Variants in RASAL2 observed in about 807,000 individuals in gnomAD.
RASAL2 encodes ras GTPase-activating protein nGAP.
Under a neutral mutation model 128.9 loss-of-function variants are expected in RASAL2, and 58 were observed. That is an observed-to-expected ratio of 0.45 (90% CI 0.36 to 0.56). RASAL2 has a LOEUF of 0.56. Among genes scored for constraint, RASAL2 ranks in the 20% least tolerant of loss-of-function variants. The pLI, the probability that RASAL2 is intolerant of heterozygous loss-of-function variation, is 0.00. For missense variants in RASAL2, 1,360 were observed against 1,601.6 expected (o/e 0.85, Z 2.57); for synonymous variants, 561 against 580.8 (o/e 0.97, Z 0.49).
chr1:178,244,979 A>G (rs1325681674), intron 1 of RASAL2, among the ~76,000 whole-genome samples: 1 of 152,106 alleles, frequency 6.6e-6, no homozygotes, highest in African/African-American at 2.4e-5. Context: ...TCTATCATTG[A>G]TGGGCATTTG....
At chr1:178,378,493 G>A (rs1221056274) in intron 3 of RASAL2, among the ~76,000 whole-genome samples, 1 of 152,048 alleles carries the variant, frequency 6.6e-6, no homozygotes, top group African/African-American at 2.4e-5. Flanking sequence ...CCAACAATTA[G>A]TCTTCTCAAG....
At chr1:178,363,324 T>C (rs1304345602) in intron 3 of RASAL2, among the ~76,000 whole-genome samples, 1 of 152,084 alleles carries the variant, frequency 6.6e-6, no homozygotes, top group African/African-American at 2.4e-5. Flanking sequence ...GAAATGTTTA[T>C]TCAGGTTCTT....
intron 3 of RASAL2, among the ~76,000 whole-genome samples, chr1:178,320,285 G>A (rs367711569): frequency 6.4e-4 from 98 of 152,044 alleles, no homozygotes; most frequent in African/African-American, 1.7e-3. Context: ...GAGCCTACAG[G>A]GGCAGGCAGG....
In RASAL2 at chr1:178,115,694, A is replaced by T. The variant is rs1220308325; in HGVS notation, c.202+21000A>T. Among the ~76,000 whole-genome samples, 8 of 152,200 alleles carry T rather than the reference A, an allele frequency of 5.3e-5. No individual in the cohort carries two copies. The East Asian group carries it at 1.3e-3, about 26-fold the overall frequency. ...CTGGAAGGTGATGCCTGGTATCTTT[A>T]TTTTCAAAAAGACCACTCTGGTTGT... is the stretch of plus-strand genomic sequence containing the variant. On this transcript the variant is annotated intron_variant, in intron 1 of 17. Transcript: ENST00000367649.
intron 1 of RASAL2, among the ~76,000 whole-genome samples, chr1:178,113,769 T>C (rs1040227834): frequency 2.0e-4 from 30 of 152,248 alleles, no homozygotes; most frequent in African/African-American, 6.7e-4. Context: ...TAGATCAATT[T>C]TGGGGAGAGT....
intron 1 of RASAL2, among the ~76,000 whole-genome samples, chr1:178,094,925 A>T (rs1248061553): frequency 6.6e-6 from 1 of 152,200 alleles, no homozygotes; most frequent in Non-Finnish European, 1.5e-5. Flanking sequence ...AGTAAGTTTA[A>T]TGCGGGAGTT....
intron 3 of RASAL2, among the ~76,000 whole-genome samples, chr1:178,302,824 G>A (rs139875250): frequency 6.6e-6 from 1 of 152,072 alleles, no homozygotes; most frequent in Non-Finnish European, 1.5e-5. Flanking sequence ...GGAAGATCAC[G>A]AGGTCAGGAG....
chr1:178,339,180 T>G (rs1669742438), intron 3 of RASAL2, among the ~76,000 whole-genome samples: 1 of 152,230 alleles, frequency 6.6e-6, no homozygotes, highest in African/African-American at 2.4e-5. Flanking sequence ...CATCTCCATC[T>G]TGTGCAGTTT....
At chr1:178,215,463 G>C (rs903230878) in intron 1 of RASAL2, among the ~76,000 whole-genome samples, 2 of 152,208 alleles carry the variant, frequency 1.3e-5, no homozygotes, top group Non-Finnish European at 2.9e-5. Flanking sequence ...TGGACCTTAC[G>C]TGAGTGGAAA....
At chr1:178,104,411 A>G (rs1210128059) in intron 1 of RASAL2, among the ~76,000 whole-genome samples, 1 of 152,170 alleles carries the variant, frequency 6.6e-6, no homozygotes, top group Non-Finnish European at 1.5e-5. Flanking sequence ...AATGACTAAC[A>G]TTATTTAACC....
chr1:178,433,628 T>C (rs767648687), intron 5 of RASAL2, among the ~76,000 whole-genome samples: 12 of 152,034 alleles, frequency 7.9e-5, no homozygotes, highest in Non-Finnish European at 1.8e-4. Flanking sequence ...AAAAAGTCAG[T>C]GTTGCCAAGC....
chr1:178,163,376 C>T (rs1158176960), intron 1 of RASAL2, among the ~76,000 whole-genome samples: 1 of 152,038 alleles, frequency 6.6e-6, no homozygotes, highest in Non-Finnish European at 1.5e-5. Flanking sequence ...TAAGCCATTA[C>T]CTATTCCAAG....
At chr1:178,440,192 A>G (rs777796153) in intron 6 of RASAL2, among the ~76,000 whole-genome samples, 33 of 152,024 alleles carry the variant, frequency 2.2e-4, no homozygotes, top group Non-Finnish European at 3.2e-4. Flanking sequence ...TTCAAAAACT[A>G]TATATACATG....
chr1:178,375,345 C>T (rs1671929745), intron 3 of RASAL2, among the ~76,000 whole-genome samples: 1 of 151,980 alleles, frequency 6.6e-6, no homozygotes, highest in Admixed American at 6.6e-5. Context: ...ACAATTTTAT[C>T]CTGAAAGCCA....
intron 1 of RASAL2, among the ~76,000 whole-genome samples, chr1:178,153,730 A>G (rs1660986921): frequency 1.3e-5 from 2 of 152,134 alleles, no homozygotes; most frequent in African/African-American, 4.8e-5. Context: ...GAATAATGCT[A>G]CTGTAAACTT....
At chr1:178,115,141 T>G (rs1389774021) in intron 1 of RASAL2, among the ~76,000 whole-genome samples, 1 of 152,244 alleles carries the variant, frequency 6.6e-6, no homozygotes, top group African/African-American at 2.4e-5. Context: ...GGAGGGTAAT[T>G]CACTTCAAAT....
intron 1 of RASAL2, among the ~76,000 whole-genome samples, chr1:178,184,843 A>T (rs992797791): frequency 4.6e-5 from 7 of 152,062 alleles, no homozygotes; most frequent in Non-Finnish European, 1.0e-4. Context: ...TTTGTTATCC[A>T]CAAAACAACT....
At chr1:178,208,368 G>A (rs1185157658) in intron 1 of RASAL2, among the ~76,000 whole-genome samples, 1 of 152,140 alleles carries the variant, frequency 6.6e-6, no homozygotes, top group Non-Finnish European at 1.5e-5. Flanking sequence ...CATTCCTTGG[G>A]GGAGGTCTAT....
intron 1 of RASAL2, among the ~76,000 whole-genome samples, chr1:178,162,549 TATATA>T (rs1218785831): frequency 6.4e-4 from 75 of 117,702 alleles, no homozygotes; most frequent in African/African-American, 1.7e-3. Flanking sequence ...ATATAAAATA[TATATA>T]ATATATCTTT....
Sources: gnomAD v4.1 joint callset for allele counts (sites outside exome capture counted in the v4.1 genomes callset) on GRCh38, gnomAD v4.1.1 for gene constraint, MANE v1.5 for transcripts, NCBI Gene and HGNC (gene_info 2026-07-23, HGNC 2026-07-21) for gene names.